Variants in AGBL4 observed in about 807,000 individuals in gnomAD.
AGBL4 encodes the protein cytosolic carboxypeptidase 6.
Under a neutral mutation model 66.4 loss-of-function variants are expected in AGBL4, and 58 were observed. The observed-to-expected ratio is 0.87, with a 90% CI of 0.71 to 1.09. The LOEUF (loss-of-function observed/expected upper bound fraction) is 1.09, where lower values mean the gene tolerates loss of function less well. Ranked by LOEUF, AGBL4 falls within the 50% of genes least tolerant of loss-of-function variation. The pLI is 0.00. For missense variants in AGBL4, 579 were observed against 631.0 expected (o/e 0.92, Z 0.88); for synonymous variants, 234 against 222.9 (o/e 1.05, Z -0.44).
At chr1:49,721,055 T>C (rs566059669) in intron 2 of AGBL4, among the ~76,000 whole-genome samples, 27 of 152,208 alleles carry the variant, frequency 1.8e-4, no homozygotes, top group Admixed American at 1.3e-3. Context: ...CAGCACTCTG[T>C]AGCTAGCAAG....
At chr1:49,838,856 C>T (rs1327905955) in intron 2 of AGBL4, among the ~76,000 whole-genome samples, 2 of 152,002 alleles carry the variant, frequency 1.3e-5, no homozygotes, top group Non-Finnish European at 2.9e-5. Flanking sequence ...TTAAAAAAAA[C>T]TCAACCATAT....
intron 3 of AGBL4, among the ~76,000 whole-genome samples, chr1:49,453,892 C>T (rs1432311006): frequency 6.6e-6 from 1 of 151,754 alleles, no homozygotes; most frequent in African/African-American, 2.4e-5. Flanking sequence ...TCCTGCCTCT[C>T]ACATTGATTC....
chr1:48,634,503 T>C lies in AGBL4; in HGVS notation c.941A>G (p.Tyr314Cys), dbSNP rs1434646552. 1 of 1,599,382 alleles carries C rather than the reference T, an allele frequency of 6.3e-7. No individual in the cohort carries two copies. Among genetic ancestry groups the C allele is most frequent in the South Asian group, 1.1e-5 (1 of 87,976 alleles). ...HGVKQLIVQMYNDPKTSLEFY... is the reference protein window; with the variant it reads ...HGVKQLIVQMCNDPKTSLEFY... ...CATTCAGTTACTTACTGGGTCGTTG[T>C]ACATCTGGACGATGAGTTGTTTCAC... Residue 314 changes from tyrosine (Y) to cysteine (C), a missense_variant, in exon 9 of 14, where the codon TAC (tyrosine) becomes TGC (cysteine). By Grantham distance (194) the Tyr-to-Cys change is radical (BLOSUM62 -2). Coordinates refer to ENST00000371839, the MANE Select transcript of AGBL4 (RefSeq NM_032785.4).
At chr1:48,621,156 G>T (rs948637853) in intron 9 of AGBL4, among the ~76,000 whole-genome samples, 1 of 152,158 alleles carries the variant, frequency 6.6e-6, no homozygotes, top group African/African-American at 2.4e-5. Context: ...TGAAGAGTTA[G>T]AAAATTTCCT....
intron 2 of AGBL4, among the ~76,000 whole-genome samples, chr1:49,769,598 T>C (rs867365333): frequency 3.3e-5 from 5 of 152,186 alleles, no homozygotes; most frequent in Middle Eastern, 3.4e-3. Context: ...AATAGCATGG[T>C]AATGGTAGAA....
chr1:49,956,742 G>GAGGT (rs1436610971), intron 1 of AGBL4, among the ~76,000 whole-genome samples: 1 of 151,928 alleles, frequency 6.6e-6, no homozygotes, highest in Non-Finnish European at 1.5e-5. Flanking sequence ...GGAATCCCAT[G>GAGGT]AGGTGCCTCA....
intron 3 of AGBL4, among the ~76,000 whole-genome samples, chr1:49,283,807 G>C (rs1222198398): frequency 6.8e-6 from 1 of 146,400 alleles, no homozygotes; most frequent in African/African-American, 2.5e-5. Context: ...AGCGAGAAGG[G>C]AAGTTTAGAG....
At chr1:49,620,257 A>T (rs1286986278) in intron 3 of AGBL4, among the ~76,000 whole-genome samples, 1 of 152,202 alleles carries the variant, frequency 6.6e-6, no homozygotes, top group African/African-American at 2.4e-5. Context: ...TCTACAAAGA[A>T]CTTAAATTTA....
At chr1:49,514,106 AAGG>A (rs1412319727) in intron 3 of AGBL4, among the ~76,000 whole-genome samples, 2 of 151,900 alleles carry the variant, frequency 1.3e-5, no homozygotes, top group Non-Finnish European at 2.9e-5. Flanking sequence ...TTATCAGCTT[AAGG>A]AGATTTTGGG....
intron 3 of AGBL4, among the ~76,000 whole-genome samples, chr1:49,397,960 C>T (rs1645005337): frequency 6.6e-6 from 1 of 152,186 alleles, no homozygotes; most frequent in Non-Finnish European, 1.5e-5. Context: ...ACAGACAAAA[C>T]AGACAATATA....
At chr1:49,151,263 C>T (rs534998436) in intron 4 of AGBL4, among the ~76,000 whole-genome samples, 32 of 136,594 alleles carry the variant, frequency 2.3e-4, no homozygotes, top group African/African-American at 1.1e-4. Context: ...AGCAAGACTC[C>T]GTCTCAAAAA....
At chr1:49,154,653 C>G (rs949788309) in intron 4 of AGBL4, among the ~76,000 whole-genome samples, 2 of 152,036 alleles carry the variant, frequency 1.3e-5, no homozygotes, top group African/African-American at 4.8e-5. Flanking sequence ...ATTATTGTCT[C>G]CCATGGTGCT....
intron 1 of AGBL4, among the ~76,000 whole-genome samples, chr1:49,977,545 G>T (rs1318705494): frequency 6.6e-6 from 1 of 152,196 alleles, no homozygotes; most frequent in Non-Finnish European, 1.5e-5. Flanking sequence ...CCTTTTTTAT[G>T]GCTCCAATGC....
At chr1:49,991,326 C>T (rs531786598) in intron 1 of AGBL4, among the ~76,000 whole-genome samples, 9 of 152,048 alleles carry the variant, frequency 5.9e-5, no homozygotes, top group Admixed American at 2.0e-4. Flanking sequence ...TTAAAAAACA[C>T]GTATATAATT....
chr1:49,357,636 T>C (rs1644047166), intron 3 of AGBL4, among the ~76,000 whole-genome samples: 1 of 152,160 alleles, frequency 6.6e-6, no homozygotes. Context: ...CCTGTTTTAC[T>C]GAAGGAAAAA....
chr1:48,625,662 G>A (rs72901105), intron 9 of AGBL4, among the ~76,000 whole-genome samples: 4,426 of 152,212 alleles, frequency 0.029, 193 homozygotes, highest in African/African-American at 0.1. Context: ...CATAGAGAGT[G>A]TAATGGGCTG....
At chr1:48,855,313 C>T (rs1027835731) in intron 6 of AGBL4, among the ~76,000 whole-genome samples, 40 of 152,160 alleles carry the variant, frequency 2.6e-4, no homozygotes, top group African/African-American at 7.5e-4. Context: ...CCTGGAATAA[C>T]GGCATCTTTC....
At chr1:49,152,638 C>A (rs774662868) in intron 4 of AGBL4, among the ~76,000 whole-genome samples, 15 of 152,184 alleles carry the variant, frequency 9.9e-5, no homozygotes, top group Non-Finnish European at 1.9e-4. Context: ...TGAAAATGTT[C>A]ATGCACAAAT....
At chr1:49,912,509 A>C (rs1403531114) in intron 1 of AGBL4, among the ~76,000 whole-genome samples, 1 of 152,236 alleles carries the variant, frequency 6.6e-6, no homozygotes, top group Non-Finnish European at 1.5e-5. Context: ...TAATCTTCGC[A>C]ACAACCCTAT....
Sources: allele counts gnomAD v4.1 joint callset (sites outside exome capture counted in the v4.1 genomes callset), GRCh38; gene constraint gnomAD v4.1.1; transcripts MANE v1.5; gene names NCBI Gene and HGNC (gene_info 2026-07-23, HGNC 2026-07-21).